NLK: variants seen among roughly 807,000 people sequenced by gnomAD.
The protein encoded by NLK is nemo like kinase, also known as serine/threonine-protein kinase NLK.
Under a neutral mutation model 59.0 loss-of-function variants are expected in NLK, and 11 were observed. The ratio of observed to expected loss-of-function variants is 0.19; its 90% CI spans 0.12 to 0.31. The LOEUF is 0.31. NLK is among the 10% of genes least tolerant of loss of function. The pLI is 1.00. For synonymous variants in NLK, 235 were observed against 235.9 expected, an observed-to-expected ratio of 1.00 and a Z score of 0.03; for missense variants, 410 against 661.1, an observed-to-expected ratio of 0.62 and a Z score of 4.16.
intron 1 of NLK, among the ~76,000 whole-genome samples, chr17:28,115,743 T>A (rs1238265974): frequency 6.6e-6 from 1 of 152,158 alleles, no homozygotes; most frequent in Non-Finnish European, 1.5e-5. Flanking sequence ...GATACATCTT[T>A]CCATTTATTC....
At chr17:28,160,237 TGTCTC>T (rs1047458018) in intron 3 of NLK, among the ~76,000 whole-genome samples, 7 of 152,088 alleles carry the variant, frequency 4.6e-5, no homozygotes, top group African/African-American at 1.4e-4. Context: ...TTGGAAAAAA[TGTCTC>T]GAGGAGGAGG....
At chr17:28,058,469 T>C (rs1240578822) in intron 1 of NLK, among the ~76,000 whole-genome samples, 1 of 152,212 alleles carries the variant, frequency 6.6e-6, no homozygotes, top group African/African-American at 2.4e-5. Context: ...TAACCACTTG[T>C]GACATGTTCT....
chr17:28,095,390 C>T (rs139111879), intron 1 of NLK, among the ~76,000 whole-genome samples: 134 of 152,274 alleles, frequency 8.8e-4, no homozygotes, highest in African/African-American at 3.0e-3. Context: ...TTCAGATTAA[C>T]AGCTTCTACA....
At chr17:28,199,176 AG>A (rs1289591068), downstream of NLK, among the ~76,000 whole-genome samples, 1 of 152,260 alleles carries the variant, frequency 6.6e-6, no homozygotes, top group African/African-American at 2.4e-5. Flanking sequence ...TTAAAGCAAA[AG>A]ATTAAAAATT....
At chr17:28,186,919 A>G (rs182508695) in intron 8 of NLK, among the ~76,000 whole-genome samples, 14 of 152,316 alleles carry the variant, frequency 9.2e-5, no homozygotes, top group African/African-American at 3.4e-4. Context: ...AGTTCCCACT[A>G]TTAAGGACAA....
intron 1 of NLK, chr17:28,062,132 A>T (rs1909683096): frequency 6.6e-6 from 1 of 151,862 alleles, no homozygotes; most frequent in Non-Finnish European, 1.5e-5. Flanking sequence ...CTGCATAAAT[A>T]AGACTGGGAT....
intron 1 of NLK, among the ~76,000 whole-genome samples, chr17:28,045,304 G>A (rs926712257): frequency 2.0e-5 from 3 of 152,180 alleles, no homozygotes; most frequent in Admixed American, 2.0e-4. Flanking sequence ...TCTCCTCAGC[G>A]CCTAGCACAG....
chr17:28,157,615 C>T (rs1159656249), intron 3 of NLK, among the ~76,000 whole-genome samples: 1 of 152,126 alleles, frequency 6.6e-6, no homozygotes, highest in African/African-American at 2.4e-5. Context: ...GCATGAGCCA[C>T]CACACCTGGC....
At chr17:28,169,295 C>T (rs926197372) in intron 6 of NLK, among the ~76,000 whole-genome samples, 1 of 152,192 alleles carries the variant, frequency 6.6e-6, no homozygotes, top group African/African-American at 2.4e-5. Flanking sequence ...AAGTGAATGG[C>T]TCTGACTTGA....
chr17:28,136,067 T>A (rs529536979), intron 3 of NLK, among the ~76,000 whole-genome samples: 23 of 152,338 alleles, frequency 1.5e-4, no homozygotes, highest in African/African-American at 5.5e-4. Context: ...CTTTGAAATT[T>A]TCCTCCTCAA....
intron 2 of NLK, among the ~76,000 whole-genome samples, chr17:28,129,307 G>A (rs1227151441): frequency 6.6e-6 from 1 of 152,090 alleles, no homozygotes; most frequent in Non-Finnish European, 1.5e-5. Flanking sequence ...ACAAAAGTTA[G>A]CCGGGCATGG....
rs542550485 is a variant in NLK at position 28,048,188 on chromosome 17, A to G, written c.458+4857A>G. The G allele has an allele frequency of 1.3e-5, 5 of 375,060 alleles. No individual in the cohort carries two copies. In the Admixed American group the frequency reaches 2.3e-4, roughly 17 times the overall value. The allele number at this position is 375,060 out of a possible 1,614,324, so 23.2% of individuals were successfully genotyped here. On this transcript the variant is annotated intron_variant, in intron 1 of 10. Transcript: ENST00000407008. The stretch of plus-strand genomic sequence containing the variant: ...AAAGTAGATAAAGAGTAGAGAATAA[A>G]AGTAACAATCTGATGATTCTGCACC...
At chr17:28,099,935 T>C (rs990669685) in intron 1 of NLK, among the ~76,000 whole-genome samples, 1 of 152,208 alleles carries the variant, frequency 6.6e-6, no homozygotes. Context: ...TATTAATATT[T>C]CATTTGTTTT....
chr17:28,052,614 T>A (rs761315896), intron 1 of NLK, among the ~76,000 whole-genome samples: 4 of 152,212 alleles, frequency 2.6e-5, no homozygotes, highest in Non-Finnish European at 5.9e-5. Context: ...TATGCAATCT[T>A]AAATTTTCTA....
intron 1 of NLK, among the ~76,000 whole-genome samples, chr17:28,073,740 T>C (rs1910083095): frequency 6.6e-6 from 1 of 152,188 alleles, no homozygotes; most frequent in Non-Finnish European, 1.5e-5. Flanking sequence ...TCTTTAGGTA[T>C]TCTCCCCATC....
At chr17:28,140,721 A>G (rs1322565747) in intron 3 of NLK, among the ~76,000 whole-genome samples, 1 of 152,006 alleles carries the variant, frequency 6.6e-6, no homozygotes, top group Admixed American at 6.6e-5. Flanking sequence ...CAATTTTACA[A>G]TAGAGACATT....
intron 1 of NLK, among the ~76,000 whole-genome samples, chr17:28,045,861 T>C (rs1374492974): frequency 6.6e-6 from 1 of 152,196 alleles, no homozygotes; most frequent in African/African-American, 2.4e-5. Context: ...CCTTATGAAT[T>C]GGAAACAACT....
At position 28,063,180 on chromosome 17, in the gene NLK, C is replaced by T. The variant is rs202169658; in HGVS notation, c.458+19849C>T. Among the ~76,000 whole-genome samples the T allele has an allele frequency of 9.8e-5, 15 of 152,340 alleles. No homozygotes were observed. In the East Asian group the frequency reaches 2.7e-3, roughly 27 times the overall value. On this transcript the variant is annotated intron_variant, in intron 1 of 10. Transcript: ENST00000407008. ...CTCTTGGGATCAAGCTCTCCGCCCA[C>T]TTTGGCCTCCCAAAGTGCTGGGATT...
In NLK at chr17:28,183,963, G is replaced by T. The variant is rs544257443; in HGVS notation, c.1150-1216G>T. Among the ~76,000 whole-genome samples the T allele has an allele frequency of 4.6e-5, 7 of 152,268 alleles. No individual in the cohort carries two copies. In the South Asian group the frequency reaches 1.5e-3, roughly 32 times the overall value. ...TGTTAGAGATAAATAATTTACTTGT[G>T]TGAGAGACAGAGCAATGATGCCATT... On this transcript the variant is annotated intron_variant, in intron 7 of 10. Transcript: ENST00000407008.
Sources: allele counts gnomAD v4.1 joint callset (sites outside exome capture counted in the v4.1 genomes callset), GRCh38; gene constraint gnomAD v4.1.1; transcripts MANE v1.5; gene names NCBI Gene and HGNC (gene_info 2026-07-23, HGNC 2026-07-21).